The following PPP2R2B variants were observed in gnomAD, a reference collection of about 807,000 sequenced individuals.
PPP2R2B encodes protein phosphatase 2 regulatory subunit Bbeta.
In PPP2R2B, 5 loss-of-function variants were observed where a neutral mutation model predicts 46.0. The observed-to-expected ratio is 0.11, with a 90% CI of 0.06 to 0.23. The LOEUF is 0.23. Ranked by LOEUF, PPP2R2B falls within the 10% of genes least tolerant of loss-of-function variation. The pLI is 1.00. For missense variants in PPP2R2B, 367 were observed against 575.0 expected (o/e 0.64, Z 3.70); for synonymous variants, 215 against 206.7 (o/e 1.04, Z -0.34).
At chr5:146,988,029 A>G (rs1753509532) in intron 1 of PPP2R2B, among the ~76,000 whole-genome samples, 2 of 152,132 alleles carry the variant, frequency 1.3e-5, no homozygotes, top group South Asian at 4.1e-4. Context: ...ACAAAATGCT[A>G]CTATGTATTG....
At chr5:146,652,861 T>C (rs952984543) in intron 5 of PPP2R2B, among the ~76,000 whole-genome samples, 6 of 152,130 alleles carry the variant, frequency 3.9e-5, no homozygotes, top group Admixed American at 1.3e-4. Flanking sequence ...TTTGACTAGA[T>C]CAGTCCAGAT....
At chr5:146,849,440 G>A (rs1760209163) in intron 2 of PPP2R2B, among the ~76,000 whole-genome samples, 2 of 152,078 alleles carry the variant, frequency 1.3e-5, no homozygotes, top group African/African-American at 2.4e-5. Context: ...GCTTCTTAAA[G>A]GCAGAATTAG....
At chr5:146,723,259 C>T (rs1751641095) in intron 2 of PPP2R2B, among the ~76,000 whole-genome samples, 1 of 152,148 alleles carries the variant, frequency 6.6e-6, no homozygotes, top group South Asian at 2.1e-4. Context: ...CTCATAACAT[C>T]CTCTTTGTTG....
intron 2 of PPP2R2B, among the ~76,000 whole-genome samples, chr5:146,818,672 A>G (rs1478344776): frequency 6.6e-6 from 1 of 152,194 alleles, no homozygotes; most frequent in African/African-American, 2.4e-5. Context: ...TCTACTTTAC[A>G]GATGAGAAAT....
intron 3 of PPP2R2B, among the ~76,000 whole-genome samples, chr5:146,700,449 T>C (rs7716683): frequency 0.24 from 37,085 of 151,984 alleles, 5,877 homozygotes; most frequent in African/African-American, 0.46. Flanking sequence ...TTATGAGAGT[T>C]ACTGGAAGTT....
intron 5 of PPP2R2B, among the ~76,000 whole-genome samples, chr5:146,669,158 TTAGTATTTATTTTGCCTCTAATC>T (rs1225239318): frequency 1.3e-5 from 2 of 152,186 alleles, no homozygotes; most frequent in African/African-American, 4.8e-5. Context: ...TACATTCTAT[TTAGTATTTATTTTGCCTCTAATC>T]TAGGAATACA....
At chr5:147,060,146 G>A (rs1757214008), upstream of PPP2R2B, among the ~76,000 whole-genome samples, 1 of 152,158 alleles carries the variant, frequency 6.6e-6, no homozygotes, top group Non-Finnish European at 1.5e-5. Context: ...CTTAAATAAA[G>A]TGCCATATCT....
At chr5:147,075,561 C>G (rs562396998) in intron 2 of PPP2R2B, among the ~76,000 whole-genome samples, 1 of 152,038 alleles carries the variant, frequency 6.6e-6, no homozygotes, top group Non-Finnish European at 1.5e-5. Flanking sequence ...GATGTTTATA[C>G]CTTTGTACCT....
At chr5:146,984,790 T>C (rs1274635947) in intron 1 of PPP2R2B, among the ~76,000 whole-genome samples, 2 of 152,098 alleles carry the variant, frequency 1.3e-5, no homozygotes, top group African/African-American at 2.4e-5. Flanking sequence ...AGGATATTTC[T>C]TGTGGCTTTA....
At chr5:146,716,738 T>C (rs1780521688) in intron 2 of PPP2R2B, among the ~76,000 whole-genome samples, 1 of 152,160 alleles carries the variant, frequency 6.6e-6, no homozygotes, top group African/African-American at 2.4e-5. Flanking sequence ...TAACACCCAG[T>C]TGAAAATTAT....
At chr5:147,060,445 G>A (rs113940146), upstream of PPP2R2B, among the ~76,000 whole-genome samples, 2 of 152,038 alleles carry the variant, frequency 1.3e-5, no homozygotes, top group South Asian at 4.1e-4. Flanking sequence ...TGGGCAATAG[G>A]GTGAATACCC....
At chr5:146,686,614 T>C (rs1481725981) in intron 5 of PPP2R2B, among the ~76,000 whole-genome samples, 1 of 147,282 alleles carries the variant, frequency 6.8e-6, no homozygotes, top group African/African-American at 2.6e-5. Context: ...ATTCGAAAAA[T>C]TGTATTCATC....
chr5:146,637,421 A>G (rs915987633), intron 7 of PPP2R2B, among the ~76,000 whole-genome samples: 1 of 152,178 alleles, frequency 6.6e-6, no homozygotes, highest in Admixed American at 6.5e-5. Flanking sequence ...CCTTCCCCGA[A>G]ACAAAAATCT....
At chr5:146,781,949 A>C (rs1337417616) in intron 2 of PPP2R2B, among the ~76,000 whole-genome samples, 4 of 152,182 alleles carry the variant, frequency 2.6e-5, no homozygotes, top group Non-Finnish European at 4.4e-5. Flanking sequence ...AGGTGATAGG[A>C]TCATGGGGGC....
intron 1 of PPP2R2B, among the ~76,000 whole-genome samples, chr5:146,993,694 A>C (rs915334009): frequency 2.6e-5 from 4 of 152,154 alleles, no homozygotes; most frequent in African/African-American, 9.7e-5. Flanking sequence ...TATAGTAACT[A>C]CCTTAAAGGA....
At chr5:146,756,434 G>A (rs1046791926) in intron 2 of PPP2R2B, among the ~76,000 whole-genome samples, 1 of 152,046 alleles carries the variant, frequency 6.6e-6, no homozygotes, top group Non-Finnish European at 1.5e-5. Flanking sequence ...AATACACTAC[G>A]GCAGATGTGA....
chr5:146,714,507 GA>G (rs1239004128), intron 2 of PPP2R2B, among the ~76,000 whole-genome samples: 1 of 151,820 alleles, frequency 6.6e-6, no homozygotes, highest in Admixed American at 6.6e-5. Context: ...CAACTGCCAG[GA>G]AAAAAATAAC....
Position 146,878,626 on chromosome 5 carries a change from C to A in PPP2R2B, c.-160G>T. 8.0e-6 allele frequency: 10 copies of A among 1,243,974 alleles called. No individual in the cohort carries two copies. Among genetic ancestry groups the A allele is most frequent in the Non-Finnish European group, 1.0e-5 (10 of 966,314 alleles). The allele number at this position is 1,243,974 out of a possible 1,614,324, so 77.1% of individuals were successfully genotyped here. ...TGAGGGTGCTGGTCCCACGGGAGGG[C>A]GGCTCCGGCAGGCGGGGGTAGGGAA... On this transcript the variant is annotated 5_prime_UTR_variant, in exon 1 of 10. Transcript: ENST00000394411. The surrounding 1 kb of genome is among the most constrained non-coding windows in gnomAD (Gnocchi z 4.5).
chr5:146,735,442 T>G (rs1042784574), intron 2 of PPP2R2B, among the ~76,000 whole-genome samples: 2 of 152,136 alleles, frequency 1.3e-5, no homozygotes, highest in Non-Finnish European at 2.9e-5. Context: ...GAGTCCAAGT[T>G]ATTACATAAT....
Sources: allele counts gnomAD v4.1 joint callset (sites outside exome capture counted in the v4.1 genomes callset), GRCh38; gene constraint gnomAD v4.1.1; non-coding constraint Gnocchi (gnomAD v3.1); transcripts MANE v1.5; gene names NCBI Gene and HGNC (gene_info 2026-07-23, HGNC 2026-07-21).